The following RIC1 variants were observed in gnomAD, a reference collection of about 807,000 sequenced individuals.
The protein encoded by RIC1 is guanine nucleotide exchange factor subunit RIC1.
RIC1 carries 88 observed loss-of-function variants against 169.0 expected under a neutral mutation model. That is an observed-to-expected ratio of 0.52 (90% CI 0.44 to 0.62). The LOEUF is 0.62. RIC1 is among the 20% of genes least tolerant of loss of function. The pLI is 0.00. For missense variants in RIC1, 1,877 were observed against 1,725.5 expected (o/e 1.09, Z -1.56); for synonymous variants, 790 against 601.5 (o/e 1.31, Z -4.59).
At chr9:5,747,541 C>G (rs780780222) in intron 12 of RIC1, 36 bp downstream of exon 12, 1 of 1,511,556 alleles carries the variant, frequency 6.6e-7, no homozygotes, top group East Asian at 2.3e-5. Flanking sequence ...GAGACTTATT[C>G]TTTGATAGGA....
intron 3 of RIC1, among the ~76,000 whole-genome samples, chr9:5,709,099 A>T (rs868167189): frequency 2.0e-5 from 3 of 152,246 alleles, no homozygotes; most frequent in Admixed American, 6.5e-5. Flanking sequence ...GATTAAAAAC[A>T]AAACATGTAC....
At chr9:5,654,899 T>C (rs1341744093) in intron 1 of RIC1, among the ~76,000 whole-genome samples, 1 of 152,174 alleles carries the variant, frequency 6.6e-6, no homozygotes, top group Non-Finnish European at 1.5e-5. Flanking sequence ...ATTGCTGGTA[T>C]ATAGAAAATT....
chr9:5,720,115 G>A, intron 4 of RIC1, 67 bp from the exon 5 acceptor site: 2 of 1,304,916 alleles, frequency 1.5e-6, no homozygotes, highest in Admixed American at 2.0e-5. Context: ...CTCTAAAGCA[G>A]TTTTAATATT....
rs17292705 is a variant in RIC1, at chr9:5,749,339, T to C, written c.1452+1834T>C. Reference sequence around the variant, plus strand: ...CCAGCTACATGATTCAGTGCAGTTATGGTGGCGGTGTATAGGGCAGTATAC... The same window carrying C: ...CCAGCTACATGATTCAGTGCAGTTACGGTGGCGGTGTATAGGGCAGTATAC... On this transcript the variant is annotated intron_variant, in intron 12 of 25. Transcript: ENST00000414202. 9.7e-3 allele frequency among the ~76,000 whole-genome samples: 1,473 copies of C among 152,370 alleles called. 16 individuals carry two copies. The highest frequency in any genetic ancestry group is 0.044 in the Middle Eastern group (13 of 294).
intron 17 of RIC1, among the ~76,000 whole-genome samples, chr9:5,759,284 G>A (rs936061356): frequency 6.6e-6 from 1 of 152,146 alleles, no homozygotes; most frequent in African/African-American, 2.4e-5. Context: ...GCTTCTTGAG[G>A]TGATATAACA....
chr9:5,652,788 T>C lies in RIC1; in HGVS notation c.145-3795T>C, dbSNP rs113263601. Among the ~76,000 whole-genome samples, 205 of 152,324 alleles carry C rather than the reference T, an allele frequency of 1.3e-3. 1 individual carries two copies. Among genetic ancestry groups the C allele is most frequent in the African/African-American group, 4.7e-3 (197 of 41,586 alleles). On this transcript the variant is annotated intron_variant, in intron 1 of 25. Coordinates refer to ENST00000414202, the MANE Select transcript of RIC1 (RefSeq NM_020829.4). ...ATAGTATCCTTGTCTTATTCCAGAT[T>C]AGAGGAAAAGATTTCAACTTTTCCT...
At chr9:5,716,016 T>C (rs1417015800) in intron 4 of RIC1, among the ~76,000 whole-genome samples, 2 of 152,036 alleles carry the variant, frequency 1.3e-5, no homozygotes, top group Non-Finnish European at 2.9e-5. Context: ...TAATTTTTTG[T>C]ACTTTATTGT....
intron 15 of RIC1, 21 bp from the exon 16 acceptor site, chr9:5,756,188 TTTC>T (rs1206606162): frequency 6.8e-7 from 1 of 1,468,758 alleles, no homozygotes; most frequent in South Asian, 1.5e-5. Flanking sequence ...TTTTTATAAT[TTTC>T]TTCATTTTTG....
intron 3 of RIC1, among the ~76,000 whole-genome samples, chr9:5,697,989 C>T (rs572399590): frequency 6.6e-6 from 1 of 152,146 alleles, no homozygotes; most frequent in Non-Finnish European, 1.5e-5. Context: ...GAGTTCTATA[C>T]TTGGGAGAGA....
chr9:5,662,660 T>C (rs1489234752), intron 2 of RIC1, among the ~76,000 whole-genome samples: 1 of 152,198 alleles, frequency 6.6e-6, no homozygotes, highest in Non-Finnish European at 1.5e-5. Context: ...TGATTGTTTG[T>C]ATTTCTTTGG....
At chr9:5,667,187 T>A (rs1819825642) in intron 2 of RIC1, among the ~76,000 whole-genome samples, 1 of 152,086 alleles carries the variant, frequency 6.6e-6, no homozygotes, top group South Asian at 2.1e-4. Flanking sequence ...CCAGGTGAGT[T>A]GGCACATGAT....
chr9:5,728,632 C>CT (rs1383603478), intron 6 of RIC1, among the ~76,000 whole-genome samples: 3 of 152,194 alleles, frequency 2.0e-5, no homozygotes, highest in Admixed American at 6.5e-5. Flanking sequence ...ATGCTGGGAG[C>CT]TGTACACTGG....
At chr9:5,749,994 G>A (rs1015073471) in intron 12 of RIC1, among the ~76,000 whole-genome samples, 2 of 151,762 alleles carry the variant, frequency 1.3e-5, no homozygotes, top group Non-Finnish European at 2.9e-5. Context: ...GGCCAGGCTG[G>A]TCTCAAACTC....
At chr9:5,693,045 C>T (rs1821680579) in intron 3 of RIC1, among the ~76,000 whole-genome samples, 1 of 152,020 alleles carries the variant, frequency 6.6e-6, no homozygotes, top group Non-Finnish European at 1.5e-5. Flanking sequence ...ACTGTCTCAA[C>T]CCTGTTTATG....
At chr9:5,710,507 G>A (rs1045713667) in intron 3 of RIC1, among the ~76,000 whole-genome samples, 2 of 152,148 alleles carry the variant, frequency 1.3e-5, no homozygotes, top group Admixed American at 6.6e-5. Flanking sequence ...AAAAAGTGCT[G>A]GCTGGCCACT....
At chr9:5,692,475 T>C (rs983983182) in intron 3 of RIC1, among the ~76,000 whole-genome samples, 1 of 152,080 alleles carries the variant, frequency 6.6e-6, no homozygotes, top group African/African-American at 2.4e-5. Flanking sequence ...AATTTTTAAA[T>C]ATATACATAT....
At chr9:5,646,452 A>G (rs1206947255) in intron 1 of RIC1, among the ~76,000 whole-genome samples, 1 of 152,200 alleles carries the variant, frequency 6.6e-6, no homozygotes, top group East Asian at 1.9e-4. Context: ...CCTAGTGACA[A>G]TAGAAATTTT....
intron 21 of RIC1, among the ~76,000 whole-genome samples, chr9:5,766,019 T>C (rs745360351): frequency 8.5e-5 from 13 of 152,182 alleles, no homozygotes; most frequent in East Asian, 1.9e-4. Context: ...TTTTCTGGAA[T>C]AGATCTTCAT....
In RIC1 at chr9:5,738,528, A is replaced by G. The variant is rs1563939569; in HGVS notation, c.891A>G (p.Lys297=). The G allele has an allele frequency of 6.3e-7, 1 of 1,577,718 alleles. No homozygotes were observed. The highest frequency in any genetic ancestry group is 1.7e-4 in the Middle Eastern group (1 of 5,766). The part of the protein sequence containing the change: ...LLSHKLELTA[K]QYPDIWNKTG... Reference sequence around the variant, plus strand: ...CTCATAAATTAGAGCTAACAGCAAAACAGTATCCTGGTGAGTCTTTTTTTT... The same window carrying G: ...CTCATAAATTAGAGCTAACAGCAAAGCAGTATCCTGGTGAGTCTTTTTTTT... Residue 297 remains lysine, a synonymous_variant, in exon 8 of 26, where the codon AAA becomes AAG. Transcript: ENST00000414202.
Sources: allele counts gnomAD v4.1 joint callset (sites outside exome capture counted in the v4.1 genomes callset), GRCh38; gene constraint gnomAD v4.1.1; transcripts MANE v1.5; gene names NCBI Gene and HGNC (gene_info 2026-07-23, HGNC 2026-07-21).